Variants in USP7 observed in about 807,000 individuals in gnomAD.
The protein encoded by USP7 is ubiquitin C-terminal hydrolase 7.
USP7 carries 9 observed loss-of-function variants against 162.9 expected under a neutral mutation model. The observed-to-expected ratio is 0.06, with a 90% CI of 0.03 to 0.10. The LOEUF is 0.10. USP7 is among the 10% of genes least tolerant of loss of function. The pLI, the probability that USP7 is intolerant of heterozygous loss-of-function variation, is 1.00. For missense variants in USP7, 715 were observed against 1,373.7 expected, an observed-to-expected ratio of 0.52 and a Z score of 7.58; for synonymous variants, 562 against 475.9, an observed-to-expected ratio of 1.18 and a Z score of -2.35.
In USP7 at chr16:8,902,995, G is replaced by C. The variant is rs538119756; in HGVS notation, c.1839+273C>G. On this transcript the variant is annotated intron_variant, in intron 16 of 30. Coordinates refer to ENST00000344836, the MANE Select transcript of USP7 (RefSeq NM_003470.3). Reference sequence around the variant, plus strand: ...AATGCCCATTTACAAAAATAAAGAGGGGGTAGGGGTGCAGGGAGTGGAGTG... The same window carrying C: ...AATGCCCATTTACAAAAATAAAGAGCGGGTAGGGGTGCAGGGAGTGGAGTG... 2.0e-5 allele frequency among the ~76,000 whole-genome samples: 3 copies of C among 152,338 alleles called. No homozygotes were observed. In the East Asian group the frequency reaches 5.8e-4, roughly 29 times the overall value.
intron 1 of USP7, among the ~76,000 whole-genome samples, chr16:8,933,698 T>C (rs1757472755): frequency 6.6e-6 from 1 of 151,786 alleles, no homozygotes; most frequent in Non-Finnish European, 1.5e-5. Flanking sequence ...AATCCACCCC[T>C]CTCAGTCTCC....
At chr16:8,936,741 C>T in intron 1 of USP7, 1 of 1,370,922 alleles carries the variant, frequency 7.3e-7, no homozygotes, top group Non-Finnish European at 9.4e-7. Context: ...AAGCATCCCA[C>T]AGAAGCCTTG....
At chr16:8,930,973 TAAAA>T (rs35685543) in intron 1 of USP7, among the ~76,000 whole-genome samples, 1 of 143,680 alleles carries the variant, frequency 7.0e-6, no homozygotes, top group South Asian at 2.2e-4. Context: ...AGTCTCAAAT[TAAAA>T]AAAAAAAAAA....
intron 1 of USP7, among the ~76,000 whole-genome samples, chr16:8,939,006 T>A (rs992052593): frequency 6.6e-6 from 1 of 152,118 alleles, no homozygotes; most frequent in African/African-American, 2.4e-5. Flanking sequence ...AGAGATCCCA[T>A]ACCCTTTTCC....
rs1897377791 is a variant in USP7, at chr16:8,916,568, AAAAC to A, written c.852-16_852-13del. The A allele has an allele frequency of 6.5e-7, 1 of 1,530,524 alleles. No homozygotes were observed. 94.8% of individuals were successfully genotyped at this position (1,530,524 alleles called of 1,614,324 possible). A position where few individuals can be genotyped will look rare whatever the true frequency, so the allele number is the denominator to read the frequency against. ...CTAAAGTTTCCCACCTTTCAAAGAT[AAAAC>A]AAACAACTCCATTTAAAGCTCAACT... On this transcript the variant is annotated splice_polypyrimidine_tract_variant and intron_variant, in intron 7 of 30. Transcript: ENST00000344836.
At chr16:8,905,651 A>G (rs1186144838) in intron 13 of USP7, among the ~76,000 whole-genome samples, 1 of 152,216 alleles carries the variant, frequency 6.6e-6, no homozygotes, top group Non-Finnish European at 1.5e-5. Context: ...TACTGACACT[A>G]CCAACTCTTT....
rs752317217 is a variant in USP7, at chr16:8,894,532, G to GC, written c.3202+17_3202+18insG. The GC allele has an allele frequency of 9.6e-5, 155 of 1,606,858 alleles. No individual in the cohort carries two copies. The highest frequency in any genetic ancestry group is 6.3e-4 in the East Asian group (28 of 44,312). On this transcript the variant is annotated intron_variant, in intron 30 of 30. Transcript: ENST00000344836. ...GTCTGAAACCCACACCAGCCCCCGG[G>GC]GGGGGGAGAACCCTTACCGGGCTGT...
intron 13 of USP7, among the ~76,000 whole-genome samples, chr16:8,905,841 T>C (rs1411405347): frequency 6.6e-6 from 1 of 152,232 alleles, no homozygotes; most frequent in Non-Finnish European, 1.5e-5. Context: ...GCGTTGTGGA[T>C]GCAGCCACAT....
At chr16:8,951,376 T>TA (rs1899540357) in intron 1 of USP7, among the ~76,000 whole-genome samples, 1 of 152,130 alleles carries the variant, frequency 6.6e-6, no homozygotes, top group South Asian at 2.1e-4. Flanking sequence ...GCTGTCATCT[T>TA]AAAGAAACTA....
At chr16:8,921,618 G>A (rs1897694845) in intron 3 of USP7, among the ~76,000 whole-genome samples, 2 of 152,114 alleles carry the variant, frequency 1.3e-5, no homozygotes, top group Non-Finnish European at 2.9e-5. Context: ...ACCTCTCAGC[G>A]TTGCTCCTGC....
chr16:8,898,723 G>A (rs1298179213), intron 23 of USP7, 84 bp from the exon 24 acceptor site: 8 of 1,141,448 alleles, frequency 7.0e-6, no homozygotes, highest in South Asian at 3.1e-5. Flanking sequence ...AAAGCAAACC[G>A]CTGGCCTTAC....
At chr16:8,938,168 G>T (rs1898855331) in intron 1 of USP7, among the ~76,000 whole-genome samples, 1 of 152,124 alleles carries the variant, frequency 6.6e-6, no homozygotes, top group Admixed American at 6.6e-5. Context: ...GACACTCCGA[G>T]AAGGCTGAAG....
chr16:8,936,711 G>A, intron 1 of USP7: 1 of 1,425,248 alleles, frequency 7.0e-7, no homozygotes, highest in Non-Finnish European at 9.2e-7. Context: ...CTCTACCTCA[G>A]CATTCTTTTT....
At chr16:8,946,898 T>C (rs770443951) in intron 1 of USP7, among the ~76,000 whole-genome samples, 6 of 152,374 alleles carry the variant, frequency 3.9e-5, no homozygotes, top group Non-Finnish European at 8.8e-5. Context: ...AGCAGACCTG[T>C]AAAACTTGAT....
chr16:8,899,881 T>C, intron 21 of USP7, 124 bp from the exon 22 acceptor site: 2 of 1,247,594 alleles, frequency 1.6e-6, no homozygotes, highest in Non-Finnish European at 2.3e-6. Flanking sequence ...AAATTCAGGT[T>C]CCCCTTTGAG....
chr16:8,911,588 A>C (rs900719943), intron 10 of USP7, among the ~76,000 whole-genome samples: 4 of 152,224 alleles, frequency 2.6e-5, no homozygotes, highest in Non-Finnish European at 4.4e-5. Flanking sequence ...GGATCCCTGA[A>C]GGGACAAATG....
chr16:8,899,873 A>ACCC, intron 21 of USP7, 116 bp from the exon 22 acceptor site: 1 of 1,295,550 alleles, frequency 7.7e-7, no homozygotes, highest in Non-Finnish European at 1.1e-6. Context: ...TGCAAGATAA[A>ACCC]TTCAGGTTCC....
chr16:8,931,874 G>T lies in USP7; in HGVS notation c.80-1477C>A, dbSNP rs186173802. Among the ~76,000 whole-genome samples the T allele has an allele frequency of 4.7e-4, 72 of 152,284 alleles. 1 individual carries two copies. The highest frequency in any genetic ancestry group is 4.4e-3 in the Admixed American group (68 of 15,296). On this transcript the variant is annotated intron_variant, in intron 1 of 30. Coordinates refer to ENST00000344836, the MANE Select transcript of USP7 (RefSeq NM_003470.3). ...TGCAACTAATGCTGGCCCCACGGTT[G>T]CCTACACAGTCGGCTTTCCCTGGTG...
At chr16:8,901,751 G>A (rs964734261) in intron 18 of USP7, among the ~76,000 whole-genome samples, 1 of 152,128 alleles carries the variant, frequency 6.6e-6, no homozygotes, top group East Asian at 1.9e-4. Flanking sequence ...GGCCTGAAAC[G>A]CCTGAGATAT....
Sources: gnomAD v4.1 joint callset for allele counts (sites outside exome capture counted in the v4.1 genomes callset) on GRCh38, gnomAD v4.1.1 for gene constraint, MANE v1.5 for transcripts, NCBI Gene and HGNC (gene_info 2026-07-23, HGNC 2026-07-21) for gene names.